The following CCDC14 variants were observed in gnomAD, a reference collection of about 807,000 sequenced individuals.
CCDC14 encodes the protein coiled-coil domain-containing protein 14.
Under a neutral mutation model 81.4 loss-of-function variants are expected in CCDC14, and 71 were observed. The observed-to-expected ratio is 0.87, with a 90% CI of 0.72 to 1.06. The LOEUF is 1.06. CCDC14 is among the 50% of genes least tolerant of loss of function. The pLI is 0.00. For synonymous variants in CCDC14, 332 were observed against 364.8 expected (o/e 0.91, Z 1.03); for missense variants, 1,046 against 1,047.3 (o/e 1.00, Z 0.02).
chr3:123,886,647 C>A, the CCDC14 span, among the ~76,000 whole-genome samples: 1 of 152,198 alleles, frequency 6.6e-6, no homozygotes, highest in Admixed American at 6.5e-5. Context: ...CTGCCCACCT[C>A]GGCCTCCCAA....
intron 10 of CCDC14, 64 bp from the exon 11 acceptor site, chr3:123,931,590 A>T: frequency 2.8e-6 from 2 of 721,852 alleles, no homozygotes; most frequent in Non-Finnish European, 2.0e-6. Flanking sequence ...CTTGGAAAAT[A>T]CCTGTTTCTT....
chr3:123,904,107 A>G (rs540516006), intron 5 of CCDC14, among the ~76,000 whole-genome samples: 2 of 152,204 alleles, frequency 1.3e-5, no homozygotes, highest in Admixed American at 1.3e-4. Flanking sequence ...GCATTATATA[A>G]TAATTCCATA....
chr3:123,928,507 A>C (rs1001540402), intron 12 of CCDC14, among the ~76,000 whole-genome samples: 2 of 152,124 alleles, frequency 1.3e-5, no homozygotes, highest in African/African-American at 2.4e-5. Flanking sequence ...CTATGTCTCA[A>C]AGAAAATAAA....
intron 12 of CCDC14, among the ~76,000 whole-genome samples, chr3:123,928,169 A>G (rs1397239076): frequency 6.6e-6 from 1 of 151,862 alleles, no homozygotes; most frequent in East Asian, 1.9e-4. Flanking sequence ...TATGTTGAAT[A>G]GTATTGTCAA....
At chr3:123,936,460 T>C (rs748301391) in intron 9 of CCDC14, among the ~76,000 whole-genome samples, 17 of 152,094 alleles carry the variant, frequency 1.1e-4, no homozygotes, top group Non-Finnish European at 4.4e-5. Flanking sequence ...TTCTGCCATA[T>C]GATGTAGTAA....
downstream of CCDC14, among the ~76,000 whole-genome samples, chr3:123,895,692 T>C (rs2682238): frequency 0.14 from 20,948 of 152,194 alleles, 2,490 homozygotes; most frequent in East Asian, 0.36. Context: ...AGGTAAAACC[T>C]CCAGCAAACA....
At chr3:123,956,706 A>C (rs2037346218) in intron 2 of CCDC14, 34 bp downstream of exon 2, 2 of 1,518,790 alleles carry the variant, frequency 1.3e-6, no homozygotes, top group African/African-American at 2.8e-5. Context: ...AAATTCCTTG[A>C]AATCTGAAGT....
intron 9 of CCDC14, among the ~76,000 whole-genome samples, chr3:123,941,259 C>T (rs1421371699): frequency 1.3e-5 from 2 of 151,940 alleles, no homozygotes; most frequent in Non-Finnish European, 2.9e-5. Context: ...TGCTGAATAA[C>T]TATATCAGAA....
At chr3:123,934,150 G>A (rs2035915854) in intron 9 of CCDC14, among the ~76,000 whole-genome samples, 1 of 151,644 alleles carries the variant, frequency 6.6e-6, no homozygotes, top group Admixed American at 6.6e-5. Flanking sequence ...GCGCGTGCCT[G>A]TAATCCCAGC....
At chr3:123,955,641 T>C in intron 5 of CCDC14, 1 of 396,204 alleles carries the variant, frequency 2.5e-6, no homozygotes, top group East Asian at 4.1e-5. Flanking sequence ...CAGTCTCTTT[T>C]TCTATTTTTC....
At chr3:123,921,361 C>G (rs535559619) in intron 12 of CCDC14, among the ~76,000 whole-genome samples, 1 of 151,870 alleles carries the variant, frequency 6.6e-6, no homozygotes, top group Non-Finnish European at 1.5e-5. Flanking sequence ...GGAAAGGAAA[C>G]GAAGAAAGCA....
chr3:123,903,175 T>C (rs1446979409), intron 5 of CCDC14, among the ~76,000 whole-genome samples: 3 of 152,170 alleles, frequency 2.0e-5, no homozygotes, highest in African/African-American at 7.2e-5. Flanking sequence ...ACAGAAGGAA[T>C]TGGATGGGGC....
chr3:123,924,932 C>T (rs886646626), intron 12 of CCDC14, among the ~76,000 whole-genome samples: 2 of 147,354 alleles, frequency 1.4e-5, no homozygotes, highest in Non-Finnish European at 3.0e-5. Context: ...TATATACACA[C>T]ACATATATAT....
intron 5 of CCDC14, among the ~76,000 whole-genome samples, chr3:123,897,823 G>C (rs1433700090): frequency 6.6e-6 from 1 of 152,124 alleles, no homozygotes; most frequent in African/African-American, 2.4e-5. Context: ...AGAGGGGAGG[G>C]AAGGGATCTG....
chr3:123,915,219 T>A lies in CCDC14; in HGVS notation c.2278A>T (p.Thr760Ser), dbSNP rs2034590042. The part of the protein sequence containing the change: ...SPQPQIRAAT[T>S]QLVSNSGLAV... ...AGTCCGCTGTTGCTGACTAGCTGTG[T>A]TGTAGCTGCTCTTATTTGTGGCTGA... Residue 760 changes from threonine (T) to serine (S), a missense_variant, in exon 13 of 13, where the codon ACA (threonine) becomes TCA (serine). By Grantham distance (58) the Thr-to-Ser change is moderately conservative (BLOSUM62 1). Coordinates refer to ENST00000409697, the MANE Select transcript of CCDC14 (RefSeq NM_001366335.1). 2 of 1,613,778 alleles carry A rather than the reference T, an allele frequency of 1.2e-6. No individual in the cohort carries two copies. Among genetic ancestry groups the A allele is most frequent in the Non-Finnish European group, 1.7e-6 (2 of 1,179,766 alleles).
intron 12 of CCDC14, among the ~76,000 whole-genome samples, chr3:123,930,340 T>C (rs976024385): frequency 1.3e-5 from 2 of 152,216 alleles, no homozygotes; most frequent in Admixed American, 1.3e-4. Context: ...TTATTTTATA[T>C]TCAAGATTAT....
At chr3:123,919,302 AT>A (rs2034901204) in intron 12 of CCDC14, among the ~76,000 whole-genome samples, 1 of 152,174 alleles carries the variant, frequency 6.6e-6, no homozygotes. Flanking sequence ...CAGTGACTCC[AT>A]TCAGCTTTGA....
In CCDC14 at chr3:123,914,518, G is replaced by A; in HGVS notation, c.*261C>T. ...ACATCTTAATAAAAGAACTCTAATT[G>A]CTAAGTACTGAAATAAAACATTACT... On this transcript the variant is annotated 3_prime_UTR_variant, in exon 13 of 13. Coordinates refer to ENST00000409697, the MANE Select transcript of CCDC14 (RefSeq NM_001366335.1). 9.2e-7 allele frequency: 1 copy of A among 1,091,774 alleles called. No homozygotes were observed. The highest frequency in any genetic ancestry group is 1.1e-6 in the Non-Finnish European group (1 of 898,434). The allele number at this position is 1,091,774 out of a possible 1,614,324, so 67.6% of individuals were successfully genotyped here. A position where few individuals can be genotyped will look rare whatever the true frequency, so the allele number is the denominator to read the frequency against.
chr3:123,941,016 T>C (rs1264021940), intron 9 of CCDC14, among the ~76,000 whole-genome samples: 1 of 152,098 alleles, frequency 6.6e-6, no homozygotes, highest in African/African-American at 2.4e-5. Flanking sequence ...ACTCCTTCCA[T>C]TCACTCCCGT....
Sources: allele counts gnomAD v4.1 joint callset (sites outside exome capture counted in the v4.1 genomes callset), GRCh38; gene constraint gnomAD v4.1.1; transcripts MANE v1.5; gene names NCBI Gene and HGNC (gene_info 2026-07-23, HGNC 2026-07-21).